The following MYH7 variants were observed in gnomAD, a reference collection of about 807,000 sequenced individuals.
MYH7 encodes the protein myosin heavy chain 7.
In MYH7, 129 loss-of-function variants were observed where a neutral mutation model predicts 225.4. The ratio of observed to expected loss-of-function variants is 0.57; its 90% CI spans 0.50 to 0.66. MYH7 has a LOEUF of 0.66. MYH7 is among the 30% of genes least tolerant of loss of function. The pLI, the probability that MYH7 is intolerant of heterozygous loss-of-function variation, is 0.00. For synonymous variants in MYH7, 971 were observed against 1,007.6 expected, an observed-to-expected ratio of 0.96 and a Z score of 0.69; for missense variants, 1,649 against 2,517.0, an observed-to-expected ratio of 0.66 and a Z score of 7.38.
In MYH7 at chr14:23,432,661, G is replaced by A. The variant is rs45500700; in HGVS notation, c.480C>T (p.Asn160=). 6.6e-4 allele frequency: 1,060 copies of A among 1,614,128 alleles called. 1 individual carries two copies. Among genetic ancestry groups the A allele is most frequent in the African/African-American group, 4.8e-3 (359 of 75,024 alleles). The change falls in exon 5 of 40, where the codon AAC becomes AAT. Residue 160 remains asparagine (N), a synonymous_variant. Transcript: ENST00000355349. ...CACCTGTCAGCATGTACTGATAGGC[G>A]TTGTCGGAGATGGAGAAGATGTGGG... ...APPHIFSISD[N]AYQYMLTDRE...
In MYH7 at chr14:23,415,315, C is replaced by T. The variant is rs45468101; in HGVS notation, c.5284-45G>A. The stretch of plus-strand genomic sequence containing the variant: ...GGCACATGGTCTGGTCAAGTCCTCA[C>T]ACACTTGCTGCCCAGCCCACGGAGA... On this transcript the variant is annotated intron_variant, in intron 36 of 39. Coordinates refer to ENST00000355349, the MANE Select transcript of MYH7 (RefSeq NM_000257.4). The surrounding 1 kb of genome is among the most constrained non-coding windows in gnomAD (Gnocchi z 6.3). 1,202 of 1,614,244 alleles carry T rather than the reference C, an allele frequency of 7.4e-4. 12 individuals are homozygous for T. In the African/African-American group the frequency reaches 0.014, roughly 19 times the overall value.
chr14:23,418,131 G>T (rs1892304036), intron 30 of MYH7, 79 bp downstream of exon 30: 2 of 1,599,962 alleles, frequency 1.3e-6, no homozygotes, highest in Admixed American at 1.7e-5. Flanking sequence ...CGCCTGTGTG[G>T]GATCTGCTGA....
Position 23,433,748 on chromosome 14 carries a change from G to A in MYH7, c.-8-8C>T, listed in dbSNP as rs1893044462. 3 of 1,613,130 alleles carry A rather than the reference G, an allele frequency of 1.9e-6. No individual in the cohort carries two copies. Among genetic ancestry groups the A allele is most frequent in the East Asian group, 2.2e-5 (1 of 44,900 alleles). On this transcript the variant is annotated splice_region_variant and splice_polypyrimidine_tract_variant and intron_variant, in intron 2 of 39. Transcript: ENST00000355349. This position sits in a 1 kb window ranked among gnomAD's most constrained non-coding sequence, Gnocchi z 4.1. ...AATCTCCCATGGCTGTGCCTGGAGT[G>A]AGCAGAAGCTGGCTGCCCTCCCATC...
At chr14:23,435,179 G>A (rs527379543) in intron 1 of MYH7, among the ~76,000 whole-genome samples, 2 of 152,064 alleles carry the variant, frequency 1.3e-5, no homozygotes, top group East Asian at 3.9e-4. Flanking sequence ...CACATTCCAG[G>A]CCTCACAGAA....
intron 37 of MYH7, 137 bp downstream of exon 37, chr14:23,414,858 G>T: frequency 2.0e-6 from 3 of 1,469,058 alleles, no homozygotes; most frequent in Non-Finnish European, 2.8e-6. Flanking sequence ...GTGGGGCAGG[G>T]CTAGGCAAAG....
chr14:23,418,041 G>A (rs773882938), intron 30 of MYH7, 169 bp downstream of exon 30: 21 of 1,085,064 alleles, frequency 1.9e-5, no homozygotes, highest in Non-Finnish European at 2.7e-5. Context: ...AACATAATTC[G>A]AGCAAAAAGC....
chr14:23,416,522 T>G (rs1357294529), intron 33 of MYH7, among the ~76,000 whole-genome samples: 1 of 151,992 alleles, frequency 6.6e-6, no homozygotes, highest in Non-Finnish European at 1.5e-5. Flanking sequence ...GAGCCAGCTA[T>G]GAAGACAAGG....
In MYH7 at chr14:23,429,630, C is replaced by T. The variant is rs185212243; in HGVS notation, c.1138+145G>A. 8.8e-5 allele frequency: 104 copies of T among 1,179,822 alleles called. 1 individual carries two copies. The African/African-American group carries it at 9.0e-4, about 10-fold the overall frequency. The allele number at this position is 1,179,822 out of a possible 1,614,324, so 73.1% of individuals were successfully genotyped here. A position where few individuals can be genotyped will look rare whatever the true frequency, so the allele number is the denominator to read the frequency against. On this transcript the variant is annotated intron_variant, in intron 12 of 39. Coordinates refer to ENST00000355349, the MANE Select transcript of MYH7 (RefSeq NM_000257.4). ...TGTGGAGGTGGCAGTGAGCCAAGAT[C>T]GTGCCACTGCGCTCCAGCCTGGGCA...
rs767027931 is a variant in MYH7 at position 23,415,430 on chromosome 14, A to G, written c.5234T>C (p.Val1745Ala). 3 of 1,614,188 alleles carry G rather than the reference A, an allele frequency of 1.9e-6. No homozygotes were observed. The South Asian group carries it at 3.3e-5, about 18-fold the overall frequency. ...CTCCTCAGCATTCCTGCACTCCTGC[A>G]CTGCCTCCTCCACTTCAGTCTGGAG... The part of the protein sequence containing the change: ...SQLQTEVEEA[V>A]QECRNAEEKA... Residue 1745 changes from valine to alanine, a missense_variant, in exon 36 of 40, where the codon GTG becomes GCG. Coordinates refer to ENST00000355349, the MANE Select transcript of MYH7 (RefSeq NM_000257.4). This position sits in a 1 kb window ranked among gnomAD's most constrained non-coding sequence, Gnocchi z 6.3.
Position 23,415,135 on chromosome 14 carries a change from C to T in MYH7, c.5419G>A (p.Gly1807Ser), listed in dbSNP as rs745729408. 3 of 1,614,068 alleles carry T rather than the reference C, an allele frequency of 1.9e-6. No homozygotes were observed. In the African/African-American group the frequency reaches 4.0e-5, roughly 22 times the overall value. The stretch of plus-strand genomic sequence containing the variant: ...AGCTTCTGCAGCTGCTTCTTGCCGC[C>T]CTTGAGGGCGATCTGCTCGGCTTCG... Reference protein sequence around the residue: ...LDEAEQIALKGGKKQLQKLEA... With the variant: ...LDEAEQIALKSGKKQLQKLEA... The change falls in exon 37 of 40, where the codon GGC becomes AGC. Residue 1807 changes from glycine (G) to serine (S), a missense_variant. Physicochemically the swap from Gly to Ser is moderately conservative, Grantham distance 56 (BLOSUM62 0). Coordinates refer to ENST00000355349, the MANE Select transcript of MYH7 (RefSeq NM_000257.4). This position sits in a 1 kb window ranked among gnomAD's most constrained non-coding sequence, Gnocchi z 6.3.
In MYH7 at chr14:23,425,897, A is replaced by G. The variant is rs897737883; in HGVS notation, c.2162+67T>C. ...CATAGAATTCCAGGGTCACCTGCAG[A>G]TCCCATTCCCATCAGGGCAGCCTGG... On this transcript the variant is annotated intron_variant, in intron 19 of 39. Transcript: ENST00000355349. This position sits in a 1 kb window ranked among gnomAD's most constrained non-coding sequence, Gnocchi z 4.6. The G allele has an allele frequency of 2.5e-6, 4 of 1,612,794 alleles. No individual in the cohort carries two copies. Among genetic ancestry groups the G allele is most frequent in the African/African-American group, 2.7e-5 (2 of 74,874 alleles).
At position 23,413,855 on chromosome 14, in the gene MYH7, C is replaced by G; in HGVS notation, c.5694G>C (p.Lys1898Asn). ...CTGCCTCATCCAGCTCGTGCTGCAC[C>G]TTGCGGAACTTGGACAGGTTGGTGT... ...QANTNLSKFR[K>N]VQHELDEAEE... The change falls in exon 39 of 40, where the codon AAG becomes AAC. Residue 1898 changes from lysine to asparagine, a missense_variant. By Grantham distance (94) the Lys-to-Asn change is moderately conservative (BLOSUM62 0). Coordinates refer to ENST00000355349, the MANE Select transcript of MYH7 (RefSeq NM_000257.4). The G allele has an allele frequency of 6.2e-7, 1 of 1,614,254 alleles. No individual in the cohort carries two copies.
intron 33 of MYH7, 83 bp from the exon 34 acceptor site, chr14:23,416,395 C>G: frequency 9.0e-6 from 13 of 1,446,066 alleles, no homozygotes; most frequent in Admixed American, 3.9e-5. Context: ...ATCATGGATA[C>G]GAAGTGACTT....
intron 25 of MYH7, among the ~76,000 whole-genome samples, chr14:23,421,500 T>A (rs145930235): frequency 6.6e-6 from 1 of 152,330 alleles, no homozygotes; most frequent in East Asian, 1.9e-4. Flanking sequence ...GGATCGTGTA[T>A]TTATTCATTT....
Position 23,415,961 on chromosome 14 carries a change from C to T in MYH7, c.4953+43G>A, listed in dbSNP as rs1207518778. ...TGGTGCCTGTATCAAGACACTACTG[C>T]TTCGCCAGGCCACGTGGAGGCCAGT... On this transcript the variant is annotated intron_variant, in intron 34 of 39. Coordinates refer to ENST00000355349, the MANE Select transcript of MYH7 (RefSeq NM_000257.4). This position sits in a 1 kb window ranked among gnomAD's most constrained non-coding sequence, Gnocchi z 6.3. 1 of 1,614,038 alleles carries T rather than the reference C, an allele frequency of 6.2e-7. No homozygotes were observed.
chr14:23,429,200 C>T (rs781242832), intron 13 of MYH7, 29 bp downstream of exon 13: 3 of 1,613,548 alleles, frequency 1.9e-6, no homozygotes, highest in Non-Finnish European at 2.5e-6. Flanking sequence ...CTACCCTGCC[C>T]ACCCATTATC....
chr14:23,419,815 T>C (rs544323467), intron 27 of MYH7, 30 bp downstream of exon 27: 17 of 1,613,848 alleles, frequency 1.1e-5, no homozygotes, highest in South Asian at 5.5e-5. Flanking sequence ...GAGGAGGAAG[T>C]TGGAGGAGGG....
intron 30 of MYH7, 182 bp from the exon 31 acceptor site, chr14:23,417,868 C>T (rs1362212665): frequency 2.1e-6 from 2 of 970,762 alleles, no homozygotes; most frequent in Non-Finnish European, 3.3e-6. Context: ...GCGTGGAGAC[C>T]CAGGCACCCT....
chr14:23,429,362 CA>C lies in MYH7; in HGVS notation c.1139-16del, dbSNP rs758709893. 1 of 1,609,096 alleles carries C rather than the reference CA, an allele frequency of 6.2e-7. No individual in the cohort carries two copies. Among genetic ancestry groups the C allele is most frequent in the African/African-American group, 1.3e-5 (1 of 74,768 alleles). On this transcript the variant is annotated splice_polypyrimidine_tract_variant and intron_variant, in intron 12 of 39. Transcript: ENST00000355349. ...CTTGTCAGCCTCTGGAAGGAAAAGG[CA>C]AGTAGCAAAGTTGGTAAAGAGATGA...
Sources: gnomAD v4.1 joint callset for allele counts (sites outside exome capture counted in the v4.1 genomes callset) on GRCh38, gnomAD v4.1.1 for gene constraint, Gnocchi (gnomAD v3.1) non-coding constraint, MANE v1.5 for transcripts, NCBI Gene and HGNC (gene_info 2026-07-23, HGNC 2026-07-21) for gene names.